The following NLRC5 variants were observed in gnomAD, a reference collection of about 807,000 sequenced individuals.
NLRC5 encodes NLR family CARD domain containing 5.
Under a neutral mutation model 206.9 loss-of-function variants are expected in NLRC5, and 114 were observed. The ratio of observed to expected loss-of-function variants is 0.55; its 90% CI spans 0.47 to 0.64. The LOEUF (loss-of-function observed/expected upper bound fraction) is 0.64. Among genes scored for constraint, NLRC5 ranks in the 30% least tolerant of loss-of-function variants. NLRC5 has a pLI of 0.00. For missense variants in NLRC5, 2,008 were observed against 2,305.5 expected (o/e 0.87, Z 2.64); for synonymous variants, 952 against 962.8 (o/e 0.99, Z 0.21).
chr16:57,035,421 G>C (rs553286118), intron 13 of NLRC5, among the ~76,000 whole-genome samples: 1 of 151,994 alleles, frequency 6.6e-6, no homozygotes, highest in Admixed American at 6.5e-5. Flanking sequence ...TAAACTCCCA[G>C]GTGGTCCAGA....
chr16:57,061,799 A>C (rs2066528247), intron 32 of NLRC5, 98 bp downstream of exon 32: 1 of 1,544,234 alleles, frequency 6.5e-7, no homozygotes, highest in African/African-American at 1.4e-5. Context: ...GGCCCCAGTC[A>C]TTTCCTGTAC....
intron 1 of NLRC5, among the ~76,000 whole-genome samples, chr16:57,005,698 TG>T (rs2058819086): frequency 6.6e-6 from 1 of 152,074 alleles, no homozygotes; most frequent in Non-Finnish European, 1.5e-5. Context: ...GTGGGCAGAT[TG>T]CTTGAGCCCA....
chr16:56,991,453 C>T (rs1433574608), intron 1 of NLRC5, among the ~76,000 whole-genome samples: 3 of 146,560 alleles, frequency 2.0e-5, no homozygotes, highest in African/African-American at 7.7e-5. Context: ...ACGATCTTGG[C>T]TCACTGCAAC....
Position 57,067,412 on chromosome 16 carries a change from C to T in NLRC5, c.4348C>T (p.His1450Tyr). The T allele has an allele frequency of 6.2e-7, 1 of 1,614,248 alleles. No individual in the cohort carries two copies. The highest frequency in any genetic ancestry group is 8.5e-7 in the Non-Finnish European group (1 of 1,180,048). Residue 1450 changes from histidine (H) to tyrosine (Y), a missense_variant, in exon 35 of 49, where the codon CAC (histidine) becomes TAC (tyrosine). By Grantham distance (83) the His-to-Tyr change is moderately conservative. Coordinates refer to ENST00000688547, the MANE Select transcript of NLRC5 (RefSeq NM_001384950.1). The stretch of plus-strand genomic sequence containing the variant: ...GTTGGCTCACTGTGACCTTGGAGCC[C>T]ACCACAGCCTTCTTGTCGGGCAGCT... ...LRLAHCDLGA[H>Y]HSLLVGQLME...
At chr16:57,071,587 G>C (rs1210029562) in intron 38 of NLRC5, among the ~76,000 whole-genome samples, 2 of 143,610 alleles carry the variant, frequency 1.4e-5, no homozygotes, top group Non-Finnish European at 3.0e-5. Flanking sequence ...AATGGGGAAG[G>C]GGGTGAGTGA....
In NLRC5 at chr16:57,026,668, C is replaced by G; in HGVS notation, c.1725C>G (p.Pro575=). 1 of 1,614,154 alleles carries G rather than the reference C, an allele frequency of 6.2e-7. No homozygotes were observed. The highest frequency in any genetic ancestry group is 8.5e-7 in the Non-Finnish European group (1 of 1,180,004). The change falls in exon 6 of 49, where the codon CCC becomes CCG. Residue 575 remains proline (P), a synonymous_variant. Coordinates refer to ENST00000688547, the MANE Select transcript of NLRC5 (RefSeq NM_001384950.1). The part of the protein sequence containing the change: ...LAGLASCTCR[P]FLSHLAQGNE... ...GCCTGGCATCCTGCACCTGCCGCCC[C>G]TTCCTTAGCCACCTGGCGCAGGGCA... is the stretch of plus-strand genomic sequence containing the variant.
chr16:57,043,745 T>C (rs529029134), intron 20 of NLRC5, 141 bp downstream of exon 20: 8 of 708,018 alleles, frequency 1.1e-5, no homozygotes, highest in African/African-American at 8.7e-5. Flanking sequence ...CTGCAGAGCA[T>C]GTGATGGGCG....
rs1567612328 is a variant in NLRC5, at chr16:57,055,059, CAG to C, written c.3626_3627del (p.Arg1209IlefsTer34). The C allele has an allele frequency of 6.2e-7, 1 of 1,614,258 alleles. No homozygotes were observed. Among genetic ancestry groups the C allele is most frequent in the Non-Finnish European group, 8.5e-7 (1 of 1,180,056 alleles). ...RSLHHATLHF[R>X]SNEEEEGVCC... The stretch of plus-strand genomic sequence containing the variant: ...CCCTGCACCATGCAACTTTGCACTT[CAG>C]ATCCAACGAGGAGGAGGAAGGCGTG... On this transcript the variant is annotated frameshift_variant, in exon 26 of 49. Transcript: ENST00000688547. LOFTEE classifies it high-confidence loss of function.
intron 22 of NLRC5, 46 bp downstream of exon 22, chr16:57,046,687 G>A (rs1172667458): frequency 2.0e-6 from 3 of 1,494,042 alleles, no homozygotes; most frequent in Admixed American, 3.4e-5. Context: ...TAATAGGGAT[G>A]AGGCGTCAGA....
intron 33 of NLRC5, 125 bp downstream of exon 33, chr16:57,065,423 G>C (rs2066978075): frequency 1.8e-6 from 1 of 557,726 alleles, no homozygotes; most frequent in African/African-American, 2.0e-5. Flanking sequence ...ATGTCCCCAG[G>C]GTAGCAGGAG....
intron 46 of NLRC5, among the ~76,000 whole-genome samples, chr16:57,080,107 C>T (rs1209970349): frequency 6.6e-6 from 1 of 152,212 alleles, no homozygotes; most frequent in Non-Finnish European, 1.5e-5. Flanking sequence ...CTTTGCAGTG[C>T]TGCCTCATGA....
chr16:57,042,043 C>T lies in NLRC5; in HGVS notation c.3091C>T (p.Leu1031=), dbSNP rs118071169. ...AARLAQLLPG[L]GALQSLNLSE... ...CCGGCTGGCTCAGCTGCTCCCAGGG[C>T]TGGGAGCTCTGCAGTCCTTGAAGTG... is the stretch of plus-strand genomic sequence containing the variant. The change falls in exon 19 of 49, where the codon CTG becomes TTG. Residue 1031 remains leucine, a synonymous_variant. Coordinates refer to ENST00000688547, the MANE Select transcript of NLRC5 (RefSeq NM_001384950.1). 346 of 1,569,196 alleles carry T rather than the reference C, an allele frequency of 2.2e-4. 3 individuals are homozygous for T. In the East Asian group the frequency reaches 7.8e-3, roughly 36 times the overall value.
chr16:57,069,870 G>C lies in NLRC5; in HGVS notation c.4534G>C (p.Ala1512Pro). Residue 1512 changes from alanine (A) to proline (P), a missense_variant, in exon 37 of 49, where the codon GCC becomes CCC. By Grantham distance (27) the Ala-to-Pro change is conservative (BLOSUM62 -1). Coordinates refer to ENST00000688547, the MANE Select transcript of NLRC5 (RefSeq NM_001384950.1). ...CAGCTGTGTGAGCACCGAGGGCCTC[G>C]CCCACCTGGCATCTGGTCTGGGCCA... ...TSSCVSTEGL[A>P]HLASGLGHCH... is the part of the protein sequence containing the mutation. 6.2e-7 allele frequency: 1 copy of C among 1,601,212 alleles called. No homozygotes were observed. The highest frequency in any genetic ancestry group is 8.5e-7 in the Non-Finnish European group (1 of 1,174,726).
At chr16:57,043,200 G>C (rs2063504447) in intron 19 of NLRC5, among the ~76,000 whole-genome samples, 1 of 152,122 alleles carries the variant, frequency 6.6e-6, no homozygotes, top group Non-Finnish European at 1.5e-5. Context: ...CCCTTATCAG[G>C]TGGAGAAAAG....
At chr16:56,993,154 TATACAC>T (rs1567492351) in intron 1 of NLRC5, among the ~76,000 whole-genome samples, 1 of 149,308 alleles carries the variant, frequency 6.7e-6, no homozygotes, top group East Asian at 1.9e-4. Context: ...CACACACACA[TATACAC>T]ATATATAGAC....
At position 57,037,210 on chromosome 16, in the gene NLRC5, G is replaced by T. The variant is rs1296615415; in HGVS notation, c.2727G>T (p.Gly909=). The change falls in exon 15 of 49, where the codon GGG becomes GGT. Residue 909 remains glycine (G), a synonymous_variant. Coordinates refer to ENST00000688547, the MANE Select transcript of NLRC5 (RefSeq NM_001384950.1). ...CTCTCCACAGCCTCAGTAACAACGG[G>T]CTTTCTGTGGCCGGGGTGCATTGTG... ...IARKLDLSNN[G]LSVAGVHCVL... is the part of the protein sequence containing the mutation. 1 of 1,613,754 alleles carries T rather than the reference G, an allele frequency of 6.2e-7. No homozygotes were observed. The highest frequency in any genetic ancestry group is 1.1e-5 in the South Asian group (1 of 91,074).
intron 18 of NLRC5, 132 bp from the exon 19 acceptor site, chr16:57,041,850 C>T (rs1323959562): frequency 1.5e-5 from 10 of 678,760 alleles, no homozygotes; most frequent in Non-Finnish European, 2.5e-5. Flanking sequence ...GCCAGATCTG[C>T]TGAGATCTGG....
At chr16:57,056,527 T>C (rs2065683125) in intron 27 of NLRC5, among the ~76,000 whole-genome samples, 2 of 152,182 alleles carry the variant, frequency 1.3e-5, no homozygotes. Context: ...TGAGCTCAGG[T>C]GATCCTCAGC....
Position 57,031,963 on chromosome 16 carries a change from G to A in NLRC5, c.2477+500G>A, listed in dbSNP as rs116176718. On this transcript the variant is annotated intron_variant, in intron 11 of 48. Transcript: ENST00000688547. ...CCAGTCTTGGATGGGCTGAGAAAAG[G>A]GAGCTGCTTTTCCCTAAAAGACCAT... Among the ~76,000 whole-genome samples, 1,254 of 151,962 alleles carry A rather than the reference G, an allele frequency of 8.3e-3. 18 individuals are homozygous for A. Among genetic ancestry groups the A allele is most frequent in the African/African-American group, 0.029 (1,197 of 41,400 alleles).
Sources: allele counts gnomAD v4.1 joint callset (sites outside exome capture counted in the v4.1 genomes callset), GRCh38; gene constraint gnomAD v4.1.1; transcripts MANE v1.5; gene names NCBI Gene and HGNC (gene_info 2026-07-23, HGNC 2026-07-21).